NUP35: variants seen among roughly 807,000 people sequenced by gnomAD.
NUP35 encodes nucleoporin 35, also known as nucleoporin NUP35.
A neutral mutation model predicts 41.5 loss-of-function variants in NUP35; 25 were observed. That is an observed-to-expected ratio of 0.60 (90% CI 0.44 to 0.84). The LOEUF (loss-of-function observed/expected upper bound fraction) is 0.84, where lower values mean the gene tolerates loss of function less well. NUP35 is among the 40% of genes least tolerant of loss of function. The pLI is 0.00. For synonymous variants in NUP35, 149 were observed against 130.7 expected (o/e 1.14, Z -0.96); for missense variants, 396 against 396.6 (o/e 1.00, Z 0.01).
chr2:183,150,588 G>A (rs917980690), intron 4 of NUP35, among the ~76,000 whole-genome samples: 5 of 151,990 alleles, frequency 3.3e-5, no homozygotes, highest in African/African-American at 1.2e-4. Context: ...AATTGGCCCT[G>A]TCTCCCTTCT....
chr2:183,118,883 G>C (rs1355458913), intron 1 of NUP35: 1 of 152,210 alleles, frequency 6.6e-6, no homozygotes, highest in Non-Finnish European at 1.5e-5. Context: ...CTGGCATCTT[G>C]CATCCCTTTT....
At chr2:183,144,352 G>A (rs751420217) in intron 4 of NUP35, among the ~76,000 whole-genome samples, 1 of 152,174 alleles carries the variant, frequency 6.6e-6, no homozygotes, top group Non-Finnish European at 1.5e-5. Flanking sequence ...GTTGAGTTCA[G>A]TCTCCAGTCT....
intron 5 of NUP35, among the ~76,000 whole-genome samples, chr2:183,152,801 A>G (rs1369530522): frequency 6.6e-6 from 1 of 152,190 alleles, no homozygotes; most frequent in African/African-American, 2.4e-5. Context: ...ATTATTAGCA[A>G]AGCTCCAGCA....
rs1012528776 is a variant in NUP35, at chr2:183,132,499, A to C, written c.340-1067A>C. On this transcript the variant is annotated intron_variant, in intron 3 of 8. Transcript: ENST00000295119. ...CTTGAGCCTGGGAAGCTCAGGCTAC[A>C]GTGGGCTGTGATCGTGTTACTGCAC... Among the ~76,000 whole-genome samples, 5 of 152,256 alleles carry C rather than the reference A, an allele frequency of 3.3e-5. No homozygotes were observed. In the East Asian group the frequency reaches 5.8e-4, roughly 18 times the overall value.
intron 4 of NUP35, among the ~76,000 whole-genome samples, chr2:183,146,195 C>G (rs1456424165): frequency 1.3e-5 from 2 of 152,074 alleles, no homozygotes; most frequent in Non-Finnish European, 2.9e-5. Flanking sequence ...GAGATCGTGC[C>G]ACTGCACTCC....
At chr2:183,124,633 A>G in intron 1 of NUP35, 136 bp downstream of exon 1, 1 of 1,142,412 alleles carries the variant, frequency 8.8e-7, no homozygotes, top group Non-Finnish European at 1.3e-6. Flanking sequence ...GGGTGCCCCC[A>G]AGTTCATAGT....
intron 5 of NUP35, among the ~76,000 whole-genome samples, chr2:183,152,696 C>T (rs1451250235): frequency 1.3e-5 from 2 of 152,104 alleles, no homozygotes; most frequent in Non-Finnish European, 2.9e-5. Flanking sequence ...CAGTAAAACT[C>T]CTTAGAGATC....
chr2:183,156,598 C>T (rs1159119900), intron 5 of NUP35, among the ~76,000 whole-genome samples: 2 of 152,154 alleles, frequency 1.3e-5, no homozygotes, highest in East Asian at 1.9e-4. Context: ...ACCTCGGCCT[C>T]CCAAAGTGCT....
At chr2:183,127,460 C>T (rs1356520490) in intron 1 of NUP35, among the ~76,000 whole-genome samples, 2 of 151,978 alleles carry the variant, frequency 1.3e-5, no homozygotes, top group African/African-American at 2.4e-5. Context: ...AAAAAAGATA[C>T]AAAAATAAGT....
At position 183,128,456 on chromosome 2, in the gene NUP35, A is replaced by T. The variant is rs1448165378; in HGVS notation, c.210A>T (p.Ala70=). Residue 70 remains alanine, a splice_region_variant and synonymous_variant, in exon 2 of 9, where the codon GCA becomes GCT. Coordinates refer to ENST00000295119, the MANE Select transcript of NUP35 (RefSeq NM_138285.5). The part of the protein sequence containing the change: ...GVMEMRSPLL[A]GGSPPQPVVP... ...TGGAAATGAGATCACCTTTACTTGC[A>T]GGTAGGTGAATTGCTTAAAATAATT... 4.3e-6 allele frequency: 7 copies of T among 1,610,180 alleles called. No homozygotes were observed. The highest frequency in any genetic ancestry group is 5.9e-6 in the Non-Finnish European group (7 of 1,177,648).
In NUP35 at chr2:183,130,268, TA is replaced by T. The variant is rs1684649579; in HGVS notation, c.212-148del. 1.6e-5 allele frequency: 12 copies of T among 769,726 alleles called. No individual in the cohort carries two copies. In the South Asian group the frequency reaches 2.8e-4, roughly 18 times the overall value. 47.7% of individuals were successfully genotyped at this position (769,726 alleles called of 1,614,324 possible). A position where few individuals can be genotyped will look rare whatever the true frequency, so the allele number is the denominator to read the frequency against. ...ACCTTCTGAATCAGAGTCTGAATTT[TA>T]ACAAGGTCCCCAGGTGACTGTTCAG... is the stretch of plus-strand genomic sequence containing the variant. On this transcript the variant is annotated intron_variant, in intron 2 of 8. Coordinates refer to ENST00000295119, the MANE Select transcript of NUP35 (RefSeq NM_138285.5).
intron 4 of NUP35, among the ~76,000 whole-genome samples, chr2:183,135,556 T>TA (rs1684847676): frequency 6.6e-6 from 1 of 151,630 alleles, no homozygotes; most frequent in Non-Finnish European, 1.5e-5. Context: ...AGTTTGGGAG[T>TA]AAAAGTTAGC....
chr2:183,158,689 A>G (rs577275307), intron 7 of NUP35, among the ~76,000 whole-genome samples: 1 of 152,212 alleles, frequency 6.6e-6, no homozygotes, highest in African/African-American at 2.4e-5. Flanking sequence ...TGAGGCCTAG[A>G]TTTTAGGTCT....
At chr2:183,143,451 AAAG>A (rs1339405353) in intron 4 of NUP35, among the ~76,000 whole-genome samples, 31 of 152,170 alleles carry the variant, frequency 2.0e-4, no homozygotes, top group African/African-American at 5.8e-4. Flanking sequence ...AAGTGTTCCC[AAAG>A]AAGAATCTTT....
chr2:183,120,445 C>A (rs1400144192), upstream of NUP35, among the ~76,000 whole-genome samples: 505 of 118,160 alleles, frequency 4.3e-3, no homozygotes, highest in Middle Eastern at 8.5e-3. Flanking sequence ...GACTCCGTCT[C>A]AAAAAAAAAA....
intron 7 of NUP35, among the ~76,000 whole-genome samples, chr2:183,158,854 T>C (rs1300537105): frequency 6.6e-6 from 1 of 152,172 alleles, no homozygotes; most frequent in African/African-American, 2.4e-5. Flanking sequence ...TCAAAATATT[T>C]CTGTTTAAAA....
chr2:183,117,717 G>C (rs1290755789), intron 1 of NUP35: 1 of 152,120 alleles, frequency 6.6e-6, no homozygotes, highest in Non-Finnish European at 1.5e-5. Flanking sequence ...AGAGTAACAA[G>C]TTGATTTTGT....
upstream of NUP35, among the ~76,000 whole-genome samples, chr2:183,120,460 A>AG (rs1223962939): frequency 2.6e-5 from 4 of 151,880 alleles, no homozygotes; most frequent in African/African-American, 9.7e-5. Context: ...AAAAAAAAAA[A>AG]AAAGAAAGTT....
At chr2:183,130,997 T>C in intron 3 of NUP35, 1 of 1,060,332 alleles carries the variant, frequency 9.4e-7, no homozygotes, top group Non-Finnish European at 1.3e-6. Context: ...TTTTTTAGGG[T>C]CCCCAACAGG....
Sources: gnomAD v4.1 joint callset for allele counts (sites outside exome capture counted in the v4.1 genomes callset) on GRCh38, gnomAD v4.1.1 for gene constraint, MANE v1.5 for transcripts, NCBI Gene and HGNC (gene_info 2026-07-23, HGNC 2026-07-21) for gene names.